Variants in SLC35H1 observed in about 807,000 individuals in gnomAD.
SLC35H1 encodes the protein ovarian cancer-overexpressed gene 1 protein.
chr20:46,353,211 C>G, the SLC35H1 span: 2 of 152,216 alleles, frequency 1.3e-5, no homozygotes, highest in Admixed American at 1.3e-4. Flanking sequence ...AGGCCTGGGA[C>G]CAGACTGGTA....
chr20:46,357,800 C>T, the SLC35H1 span: 6 of 1,612,924 alleles, frequency 3.7e-6, no homozygotes, highest in East Asian at 2.2e-5. Context: ...GCAGACACCC[C>T]GGCTTGGTTT....
the SLC35H1 span, chr20:46,356,752 T>A: frequency 1.1e-6 from 1 of 946,260 alleles, no homozygotes; most frequent in Non-Finnish European, 1.6e-6. Flanking sequence ...CGGTGCCTCC[T>A]GTGGGGCCCT....
chr20:46,359,592 G>A, the SLC35H1 span, among the ~76,000 whole-genome samples: 1 of 152,174 alleles, frequency 6.6e-6, no homozygotes, highest in Non-Finnish European at 1.5e-5. Flanking sequence ...CTACTCCCTG[G>A]AAGCAGAGCC....
At chr20:46,347,077 AC>A in the SLC35H1 span, 1 of 152,122 alleles carries the variant, frequency 6.6e-6, no homozygotes, top group Non-Finnish European at 1.5e-5. Context: ...TGCTTTACCT[AC>A]ATTATTTTAT....
chr20:46,355,276 G>C, the SLC35H1 span: 4 of 1,577,602 alleles, frequency 2.5e-6, no homozygotes, highest in Non-Finnish European at 3.4e-6. The surrounding 1 kb of genome is among the most constrained non-coding windows in gnomAD (Gnocchi z 4.8). Flanking sequence ...GCTAACTCGG[G>C]GGTCTTGAGG....
chr20:46,354,872 C>T, the SLC35H1 span: 5 of 1,585,634 alleles, frequency 3.2e-6, no homozygotes, highest in East Asian at 2.3e-5. Flanking sequence ...AGAGGGAAGG[C>T]CCAACGTACC....
the SLC35H1 span, chr20:46,358,892 G>C: frequency 1.5e-6 from 1 of 676,716 alleles, no homozygotes; most frequent in Non-Finnish European, 2.7e-6. Flanking sequence ...GGCAGTCCCA[G>C]AGACCCACGT....
chr20:46,356,680 C>G, the SLC35H1 span: 5 of 1,592,414 alleles, frequency 3.1e-6, no homozygotes, highest in Non-Finnish European at 2.6e-6. Flanking sequence ...GGGAGGTCCA[C>G]ACTCTGCTGG....
chr20:46,350,954 G>T, the SLC35H1 span: 4 of 1,597,596 alleles, frequency 2.5e-6, no homozygotes, highest in Non-Finnish European at 3.4e-6. Context: ...GACCAGGAGG[G>T]TGGAAGGTGG....
chr20:46,359,605 C>T, the SLC35H1 span, among the ~76,000 whole-genome samples: 12 of 152,174 alleles, frequency 7.9e-5, no homozygotes, highest in Non-Finnish European at 1.8e-4. Flanking sequence ...GCAGAGCCTG[C>T]CTTACGGTAT....
the SLC35H1 span, chr20:46,357,671 G>A: frequency 1.5e-5 from 25 of 1,614,140 alleles, no homozygotes; most frequent in South Asian, 7.7e-5. Flanking sequence ...AGCACCACAC[G>A]GGCCCTGTGG....
the SLC35H1 span, chr20:46,357,762 G>A: frequency 1.2e-6 from 2 of 1,614,078 alleles, no homozygotes; most frequent in Non-Finnish European, 8.5e-7. Context: ...TGAAGAGGGG[G>A]AAATGGAAGC....
the SLC35H1 span, chr20:46,357,687 G>A: frequency 6.2e-7 from 1 of 1,614,172 alleles, no homozygotes; most frequent in Non-Finnish European, 8.5e-7. Flanking sequence ...TGTGGCTGGA[G>A]CACTGAACCA....
the SLC35H1 span, among the ~76,000 whole-genome samples, chr20:46,351,046 G>A: frequency 3.3e-5 from 5 of 152,350 alleles, no homozygotes; most frequent in East Asian, 1.9e-4. Context: ...CAGGGGACCC[G>A]GCCGGCTTGC....
chr20:46,350,785 C>T, the SLC35H1 span: 4 of 1,613,962 alleles, frequency 2.5e-6, no homozygotes, highest in South Asian at 1.1e-5. Flanking sequence ...GCTTTGAGGG[C>T]AACGTGGAGG....
the SLC35H1 span, chr20:46,346,083 T>G: frequency 2.0e-5 from 3 of 152,142 alleles, no homozygotes; most frequent in African/African-American, 7.2e-5. Context: ...TGGAATGCAT[T>G]TGAATGCATT....
the SLC35H1 span, chr20:46,347,327 C>T: frequency 3.9e-5 from 6 of 152,354 alleles, no homozygotes; most frequent in East Asian, 1.2e-3. Flanking sequence ...CCTTACTGCA[C>T]CGGGCTGTTA....
the SLC35H1 span, among the ~76,000 whole-genome samples, chr20:46,351,282 A>G: frequency 4.9e-3 from 740 of 152,350 alleles, 9 homozygotes; most frequent in African/African-American, 0.017. Context: ...TGAAGACACA[A>G]CTGGTCCCGG....
At chr20:46,352,286 A>T in the SLC35H1 span, 9 of 1,446,560 alleles carry the variant, frequency 6.2e-6, no homozygotes, top group East Asian at 2.0e-4. Context: ...GGCCAGCCCA[A>T]TGCCAACCAC....
Sources: allele counts gnomAD v4.1 joint callset (sites outside exome capture counted in the v4.1 genomes callset), GRCh38; gene constraint gnomAD v4.1.1; non-coding constraint Gnocchi (gnomAD v3.1); transcripts MANE v1.5; gene names NCBI Gene and HGNC (gene_info 2026-07-23, HGNC 2026-07-21).